Variants in KDM7A observed in about 807,000 individuals in gnomAD.
The protein encoded by KDM7A is lysine demethylase 7A, also known as lysine-specific demethylase 7A.
KDM7A carries 28 observed loss-of-function variants against 114.8 expected under a neutral mutation model. The observed-to-expected ratio is 0.24, with a 90% CI of 0.18 to 0.33. KDM7A has a LOEUF of 0.33. Ranked by LOEUF, KDM7A falls within the 10% of genes least tolerant of loss-of-function variation. KDM7A has a pLI of 1.00. For synonymous variants in KDM7A, 423 were observed against 397.8 expected (o/e 1.06, Z -0.75); for missense variants, 942 against 1,142.5 (o/e 0.82, Z 2.53).
At chr7:140,135,056 A>G (rs1225361011) in intron 2 of KDM7A, among the ~76,000 whole-genome samples, 1 of 148,228 alleles carries the variant, frequency 6.7e-6, no homozygotes, top group African/African-American at 2.5e-5. Flanking sequence ...AAAAAAACAA[A>G]CTCACAAAAA....
chr7:140,136,247 A>G (rs1438512405), intron 2 of KDM7A, among the ~76,000 whole-genome samples: 1 of 152,240 alleles, frequency 6.6e-6, no homozygotes, highest in African/African-American at 2.4e-5. Context: ...TATAAATGTC[A>G]AAGAAGATAA....
At chr7:140,152,089 C>A (rs910349640) in intron 1 of KDM7A, among the ~76,000 whole-genome samples, 3 of 152,144 alleles carry the variant, frequency 2.0e-5, no homozygotes, top group Admixed American at 1.3e-4. Flanking sequence ...TCAGTGCCTG[C>A]ATCTAAGGGG....
intron 1 of KDM7A, among the ~76,000 whole-genome samples, chr7:140,142,782 A>G (rs1168774306): frequency 6.6e-6 from 1 of 152,196 alleles, no homozygotes; most frequent in East Asian, 1.9e-4. Context: ...ACTCAGGCAC[A>G]TGTGCACCAG....
chr7:140,117,639 A>C (rs1314289452), intron 9 of KDM7A, among the ~76,000 whole-genome samples: 1 of 152,244 alleles, frequency 6.6e-6, no homozygotes, highest in Non-Finnish European at 1.5e-5. Context: ...CCACAAAACA[A>C]GGAAATTTGT....
At chr7:140,146,241 T>G (rs78986577) in intron 1 of KDM7A, among the ~76,000 whole-genome samples, 1,842 of 152,206 alleles carry the variant, frequency 0.012, 18 homozygotes, top group Middle Eastern at 0.02. Flanking sequence ...TTTTAAAAAA[T>G]AAAATTAAAC....
intron 7 of KDM7A, among the ~76,000 whole-genome samples, chr7:140,121,740 G>A (rs1245870746): frequency 6.6e-6 from 1 of 151,988 alleles, no homozygotes; most frequent in African/African-American, 2.4e-5. Flanking sequence ...CATTCATATA[G>A]GTACAAAGCC....
In KDM7A at chr7:140,176,729, AG is replaced by A; in HGVS notation, c.194+14del. On this transcript the variant is annotated intron_variant, in intron 1 of 19. Transcript: ENST00000397560. The surrounding 1 kb of genome is among the most constrained non-coding windows in gnomAD (Gnocchi z 4.4). ...CCGGCGGTGGCGGCTGCGGGGCTGG[AG>A]GGGGTTTATTTACCTGCCGTGGAAC... 4.6e-6 allele frequency: 6 copies of A among 1,291,990 alleles called. No homozygotes were observed. Among genetic ancestry groups the A allele is most frequent in the Non-Finnish European group, 6.1e-6 (6 of 991,328 alleles). The allele number at this position is 1,291,990 out of a possible 1,614,324, so 80.0% of individuals were successfully genotyped here.
chr7:140,092,477 CT>C (rs775764298), intron 18 of KDM7A, among the ~76,000 whole-genome samples: 1 of 152,314 alleles, frequency 6.6e-6, no homozygotes, highest in Non-Finnish European at 1.5e-5. Flanking sequence ...AGTCTATCTT[CT>C]ATCAGGTTCA....
At chr7:140,156,435 A>G (rs1464350236) in intron 1 of KDM7A, among the ~76,000 whole-genome samples, 1 of 152,184 alleles carries the variant, frequency 6.6e-6, no homozygotes, top group Non-Finnish European at 1.5e-5. Flanking sequence ...TTAACAATTT[A>G]CCTACTGGTT....
At chr7:140,172,429 G>A (rs1562962945) in intron 1 of KDM7A, among the ~76,000 whole-genome samples, 2 of 152,128 alleles carry the variant, frequency 1.3e-5, no homozygotes, top group Admixed American at 6.5e-5. Flanking sequence ...TGAGGAGGGT[G>A]GATCACGAGG....
At chr7:140,152,809 G>C (rs1794415865) in intron 1 of KDM7A, among the ~76,000 whole-genome samples, 2 of 152,152 alleles carry the variant, frequency 1.3e-5, no homozygotes, top group Non-Finnish European at 2.9e-5. Context: ...CTATTCACAT[G>C]TTGGATCCCT....
chr7:140,089,926 T>C lies in KDM7A; in HGVS notation c.*1168A>G, dbSNP rs1281039914. On this transcript the variant is annotated 3_prime_UTR_variant, in exon 20 of 20. Coordinates refer to ENST00000397560, the MANE Select transcript of KDM7A (RefSeq NM_030647.2). The stretch of plus-strand genomic sequence containing the variant: ...ATGCTTGCTTCTATACAACTTAATG[T>C]AGTATTAATCCTATTATATTACGGC... 2 of 152,240 alleles carry C rather than the reference T, an allele frequency of 1.3e-5. No homozygotes were observed. The highest frequency in any genetic ancestry group is 2.9e-5 in the Non-Finnish European group (2 of 68,040). 9.4% of individuals were successfully genotyped at this position (152,240 alleles called of 1,614,324 possible). A position where few individuals can be genotyped will look rare whatever the true frequency, so the allele number is the denominator to read the frequency against.
intron 3 of KDM7A, among the ~76,000 whole-genome samples, 167 bp from the exon 4 acceptor site, chr7:140,129,820 C>T (rs1818758634): frequency 6.6e-6 from 1 of 152,084 alleles, no homozygotes; most frequent in Non-Finnish European, 1.5e-5. Flanking sequence ...TCTCCTTTTG[C>T]TATCCTAAAC....
intron 18 of KDM7A, among the ~76,000 whole-genome samples, chr7:140,093,592 C>G (rs1818058423): frequency 6.6e-6 from 1 of 152,134 alleles, no homozygotes; most frequent in Non-Finnish European, 1.5e-5. Context: ...TTTTTCAAAA[C>G]TGCTATTTTG....
chr7:140,151,297 G>A (rs1794397750), intron 1 of KDM7A, among the ~76,000 whole-genome samples: 1 of 152,148 alleles, frequency 6.6e-6, no homozygotes, highest in Admixed American at 6.5e-5. Flanking sequence ...TGGACTTTAA[G>A]CTCCTTAAAG....
Position 140,088,722 on chromosome 7 carries a change from T to C in KDM7A, c.*2372A>G, listed in dbSNP as rs1427659216. On this transcript the variant is annotated 3_prime_UTR_variant, in exon 20 of 20. Coordinates refer to ENST00000397560, the MANE Select transcript of KDM7A (RefSeq NM_030647.2). ...AAAGTTTTCTAACTTAGCCACTTATTAAGGGGCTAAAACTACTAAAAATGA... is the reference window on the plus strand; with the variant it reads ...AAAGTTTTCTAACTTAGCCACTTATCAAGGGGCTAAAACTACTAAAAATGA... The C allele has an allele frequency of 2.6e-6, 1 of 387,522 alleles. No individual in the cohort carries two copies. Among genetic ancestry groups the C allele is most frequent in the Non-Finnish European group, 4.6e-6 (1 of 219,402 alleles). The allele number at this position is 387,522 out of a possible 1,614,324, so 24.0% of individuals were successfully genotyped here. A position where few individuals can be genotyped will look rare whatever the true frequency, so the allele number is the denominator to read the frequency against.
At chr7:140,122,563 G>A (rs1818632420) in intron 7 of KDM7A, among the ~76,000 whole-genome samples, 1 of 152,146 alleles carries the variant, frequency 6.6e-6, no homozygotes, top group South Asian at 2.1e-4. Flanking sequence ...TACACCAGAG[G>A]CAAGGCTTTC....
chr7:140,091,036 G>A lies in KDM7A; in HGVS notation c.*58C>T, dbSNP rs1242335954. Reference sequence around the variant, plus strand: ...AGGCAGGGGGACAGCGGAAGCTCCAGGCTCCTGCACCCCTAGACTGGTCTC... The same window carrying A: ...AGGCAGGGGGACAGCGGAAGCTCCAAGCTCCTGCACCCCTAGACTGGTCTC... On this transcript the variant is annotated 3_prime_UTR_variant, in exon 20 of 20. Coordinates refer to ENST00000397560, the MANE Select transcript of KDM7A (RefSeq NM_030647.2). 8.0e-6 allele frequency: 10 copies of A among 1,249,196 alleles called. No individual in the cohort carries two copies. Among genetic ancestry groups the A allele is most frequent in the Middle Eastern group, 1.9e-4 (1 of 5,348 alleles). The allele number at this position is 1,249,196 out of a possible 1,614,324, so 77.4% of individuals were successfully genotyped here.
intron 11 of KDM7A, among the ~76,000 whole-genome samples, chr7:140,105,890 T>C (rs1818328500): frequency 6.6e-6 from 1 of 152,242 alleles, no homozygotes; most frequent in Non-Finnish European, 1.5e-5. Context: ...GTACCTCTGG[T>C]AGAATTTGGC....
Sources: allele counts gnomAD v4.1 joint callset (sites outside exome capture counted in the v4.1 genomes callset), GRCh38; gene constraint gnomAD v4.1.1; non-coding constraint Gnocchi (gnomAD v3.1); transcripts MANE v1.5; gene names NCBI Gene and HGNC (gene_info 2026-07-23, HGNC 2026-07-21).